KCNQ1OT1: variants seen among roughly 807,000 people sequenced by gnomAD.
KCNQ1OT1 encodes the protein KCNQ1 opposite strand/antisense transcript 1, also known as KCNQ1 antisense RNA 2 (non-protein coding).
Position 2,690,192 on chromosome 11 carries a change from G to C in KCNQ1OT1, n.9803C>G, listed in dbSNP as rs1850565877. The C allele has an allele frequency of 2.5e-6, 1 of 398,688 alleles. No individual in the cohort carries two copies. Among genetic ancestry groups the C allele is most frequent in the East Asian group, 3.6e-5 (1 of 28,090 alleles). The allele number at this position is 398,688 out of a possible 1,614,324, so 24.7% of individuals were successfully genotyped here. On this transcript the variant is annotated non_coding_transcript_exon_variant, in exon 1 of 1. Transcript: ENST00000597346. The surrounding 1 kb of genome is among the most constrained non-coding windows in gnomAD (Gnocchi z 5.1). The stretch of plus-strand genomic sequence containing the variant: ...GGAAGGCTGGTCTCTCCAGAGACTG[G>C]GCTAAACTCTGCTGTGTCAAGTGCC...
At chr11:2,646,132 T>C (rs1035890822) in exon 1 of KCNQ1OT1, 9 of 398,524 alleles carry the variant, frequency 2.3e-5, no homozygotes, top group Non-Finnish European at 3.5e-5. Context: ...TTATTACTTC[T>C]CAGTTGAATT....
chr11:2,630,598 TAG>T (rs1052567362), exon 1 of KCNQ1OT1: 7 of 398,208 alleles, frequency 1.8e-5, no homozygotes, highest in Non-Finnish European at 3.1e-5. Context: ...ACCTTTATAC[TAG>T]AGTTATGTGA....
chr11:2,642,475 C>T lies in KCNQ1OT1; in HGVS notation n.57520G>A, dbSNP rs911279520. The T allele has an allele frequency of 2.5e-6, 1 of 397,846 alleles. No individual in the cohort carries two copies. Among genetic ancestry groups the T allele is most frequent in the African/African-American group, 2.1e-5 (1 of 48,610 alleles). 24.6% of individuals were successfully genotyped at this position (397,846 alleles called of 1,614,324 possible). A position where few individuals can be genotyped will look rare whatever the true frequency, so the allele number is the denominator to read the frequency against. ...AACTGTAATCAATTTATTGATCAGA[C>T]TGAAGAGTTTTGATTTTTGTATTTC... On this transcript the variant is annotated non_coding_transcript_exon_variant, in exon 1 of 1. Transcript: ENST00000597346. The surrounding 1 kb of genome is among the most constrained non-coding windows in gnomAD (Gnocchi z 4.3).
exon 1 of KCNQ1OT1, chr11:2,688,996 T>C (rs1850544464): frequency 5.0e-6 from 2 of 398,720 alleles, no homozygotes; most frequent in Non-Finnish European, 8.8e-6. Context: ...CAGGGGAGCC[T>C]GCAGGTCCCT....
chr11:2,611,010 A>G lies in KCNQ1OT1; in HGVS notation n.88985T>C, dbSNP rs1184406186. 1 of 398,434 alleles carries G rather than the reference A, an allele frequency of 2.5e-6. No homozygotes were observed. Among genetic ancestry groups the G allele is most frequent in the Non-Finnish European group, 4.4e-6 (1 of 226,026 alleles). The allele number at this position is 398,434 out of a possible 1,614,324, so 24.7% of individuals were successfully genotyped here. ...ATTGTTGAGTTGTCTATTATTGTTC[A>G]GTTGTCTGTTTCTCTCTTCATTTCT... On this transcript the variant is annotated non_coding_transcript_exon_variant, in exon 1 of 1. Coordinates refer to ENST00000597346, the Ensembl canonical transcript of KCNQ1OT1. The surrounding 1 kb of genome is among the most constrained non-coding windows in gnomAD (Gnocchi z 5.3).
chr11:2,647,164 G>C lies in KCNQ1OT1; in HGVS notation n.52831C>G. 2 of 397,738 alleles carry C rather than the reference G, an allele frequency of 5.0e-6. No homozygotes were observed. The highest frequency in any genetic ancestry group is 8.9e-6 in the Non-Finnish European group (2 of 225,984). The allele number at this position is 397,738 out of a possible 1,614,324, so 24.6% of individuals were successfully genotyped here. A position where few individuals can be genotyped will look rare whatever the true frequency, so the allele number is the denominator to read the frequency against. ...GTTCCTTCTAGACATTATGTGATGA[G>C]CTTTTTTTTTTATCATGAAGAGATT... On this transcript the variant is annotated non_coding_transcript_exon_variant, in exon 1 of 1. Transcript: ENST00000597346. The surrounding 1 kb of genome is among the most constrained non-coding windows in gnomAD (Gnocchi z 4.0).
exon 1 of KCNQ1OT1, chr11:2,665,843 A>G (rs1850057732): frequency 5.0e-6 from 2 of 398,564 alleles, no homozygotes; most frequent in African/African-American, 2.1e-5. Context: ...GCACAGGGCT[A>G]GGGGCCTGAG....
exon 1 of KCNQ1OT1, chr11:2,694,056 C>T (rs986143330): frequency 8.8e-5 from 35 of 398,564 alleles, no homozygotes; most frequent in Non-Finnish European, 1.1e-4. Flanking sequence ...GGCTGAGGGA[C>T]GGCAGCTGAC....
rs566690283 is a variant in KCNQ1OT1 at position 2,679,438 on chromosome 11, A to G, written n.20557T>C. On this transcript the variant is annotated non_coding_transcript_exon_variant, in exon 1 of 1. Coordinates refer to ENST00000597346, the Ensembl canonical transcript of KCNQ1OT1. This position sits in a 1 kb window ranked among gnomAD's most constrained non-coding sequence, Gnocchi z 4.8. ...GTACCTTCCTCAGAGGGTTGTTAGG[A>G]GGATTACACAAATTAATAATATAAA... is the stretch of plus-strand genomic sequence containing the variant. 22 of 398,618 alleles carry G rather than the reference A, an allele frequency of 5.5e-5. No individual in the cohort carries two copies. The highest frequency in any genetic ancestry group is 4.5e-4 in the African/African-American group (22 of 48,740). The allele number at this position is 398,618 out of a possible 1,614,324, so 24.7% of individuals were successfully genotyped here. A position where few individuals can be genotyped will look rare whatever the true frequency, so the allele number is the denominator to read the frequency against.
At chr11:2,618,792 A>G (rs1019555066) in exon 1 of KCNQ1OT1, 8 of 398,246 alleles carry the variant, frequency 2.0e-5, no homozygotes, top group Non-Finnish European at 3.5e-5. Context: ...CATTTTAACA[A>G]TATTATTCAG....
At chr11:2,614,705 C>T in exon 1 of KCNQ1OT1, 1 of 398,342 alleles carries the variant, frequency 2.5e-6, no homozygotes, top group Non-Finnish European at 4.4e-6. Context: ...TTTATTTCTA[C>T]ATTCTCTATT....
In KCNQ1OT1 at chr11:2,621,055, G is replaced by A; in HGVS notation, n.78940C>T. ...TGCAGTGGCGCAATCTCGGCTCACT[G>A]CAACCTCCACCTCCTGGGTTCAAGC... On this transcript the variant is annotated non_coding_transcript_exon_variant, in exon 1 of 1. Coordinates refer to ENST00000597346, the Ensembl canonical transcript of KCNQ1OT1. The surrounding 1 kb of genome is among the most constrained non-coding windows in gnomAD (Gnocchi z 5.7). 2 of 396,578 alleles carry A rather than the reference G, an allele frequency of 5.0e-6. No homozygotes were observed. Among genetic ancestry groups the A allele is most frequent in the Non-Finnish European group, 8.9e-6 (2 of 225,684 alleles). 24.6% of individuals were successfully genotyped at this position (396,578 alleles called of 1,614,324 possible).
At chr11:2,688,579 T>C in exon 1 of KCNQ1OT1, 1 of 398,676 alleles carries the variant, frequency 2.5e-6, no homozygotes, top group Non-Finnish European at 4.4e-6. Context: ...TAGCAGCCAG[T>C]GCTCGCTCAC....
rs537910940 is a variant in KCNQ1OT1 at position 2,608,463 on chromosome 11, C to G, written n.91532G>C. On this transcript the variant is annotated non_coding_transcript_exon_variant, in exon 1 of 1. Transcript: ENST00000597346. The surrounding 1 kb of genome is among the most constrained non-coding windows in gnomAD (Gnocchi z 4.6). Reference sequence around the variant, plus strand: ...TCTGTCAGGTTGGTAGTATACTTCCCTCATTCATTCCTTTTTCCTTTTCTT... The same window carrying G: ...TCTGTCAGGTTGGTAGTATACTTCCGTCATTCATTCCTTTTTCCTTTTCTT... 3 of 398,426 alleles carry G rather than the reference C, an allele frequency of 7.5e-6. No individual in the cohort carries two copies. The highest frequency in any genetic ancestry group is 4.4e-6 in the Non-Finnish European group (1 of 226,010). The allele number at this position is 398,426 out of a possible 1,614,324, so 24.7% of individuals were successfully genotyped here.
exon 1 of KCNQ1OT1, chr11:2,694,353 T>C (rs1283920059): frequency 5.0e-6 from 2 of 398,538 alleles, no homozygotes; most frequent in Non-Finnish European, 8.8e-6. Context: ...CATATGGCAA[T>C]GTCTGGAGAT....
rs752401885 is a variant in KCNQ1OT1 at position 2,613,493 on chromosome 11, G to A, written n.86502C>T. 2.3e-4 allele frequency: 92 copies of A among 398,496 alleles called. 2 individuals carry two copies. In the Admixed American group the frequency reaches 3.5e-3, roughly 15 times the overall value. The allele number at this position is 398,496 out of a possible 1,614,324, so 24.7% of individuals were successfully genotyped here. On this transcript the variant is annotated non_coding_transcript_exon_variant, in exon 1 of 1. Transcript: ENST00000597346. This position sits in a 1 kb window ranked among gnomAD's most constrained non-coding sequence, Gnocchi z 4.8. ...TTTGTTGCTGGTCCTCAAGCCTACC[G>A]TGCCCCTGAGCTTGGGTGGGGAGAT... is the stretch of plus-strand genomic sequence containing the variant.
exon 1 of KCNQ1OT1, chr11:2,689,079 C>T (rs748426920): frequency 1.7e-4 from 68 of 398,792 alleles, no homozygotes; most frequent in Non-Finnish European, 2.4e-4. Flanking sequence ...GTGGCACATC[C>T]GGCCTGGAAG....
At chr11:2,618,325 A>T in exon 1 of KCNQ1OT1, 2 of 398,606 alleles carry the variant, frequency 5.0e-6, no homozygotes, top group Non-Finnish European at 8.8e-6. Flanking sequence ...ATGCAAAAAA[A>T]TTCAATGTTT....
At position 2,695,539 on chromosome 11, in the gene KCNQ1OT1, C is replaced by T. The variant is rs1590037924; in HGVS notation, n.4456G>A. 5.0e-6 allele frequency: 2 copies of T among 398,680 alleles called. No individual in the cohort carries two copies. The highest frequency in any genetic ancestry group is 2.1e-5 in the African/African-American group (1 of 48,754). The allele number at this position is 398,680 out of a possible 1,614,324, so 24.7% of individuals were successfully genotyped here. ...ACAGTGACCAGCTCCAACTGCCCAC[C>T]CCTATGGGCCATGCTGCCCTGAGCA... On this transcript the variant is annotated non_coding_transcript_exon_variant, in exon 1 of 1. Transcript: ENST00000597346. This position sits in a 1 kb window ranked among gnomAD's most constrained non-coding sequence, Gnocchi z 5.2.
Sources: gnomAD v4.1 joint callset for allele counts on GRCh38, gnomAD v4.1.1 for gene constraint, Gnocchi (gnomAD v3.1) non-coding constraint, MANE v1.5 for transcripts, NCBI Gene and HGNC (gene_info 2026-07-23, HGNC 2026-07-21) for gene names.